The following KATNIP variants were observed in gnomAD, a reference collection of about 807,000 sequenced individuals.
KATNIP encodes the protein katanin-interacting protein.
In KATNIP, 126 loss-of-function variants were observed where a neutral mutation model predicts 174.0. The ratio of observed to expected loss-of-function variants is 0.72; its 90% CI spans 0.63 to 0.84. KATNIP has a LOEUF of 0.84. Among genes scored for constraint, KATNIP ranks in the 40% least tolerant of loss-of-function variants. The pLI is 0.00. For synonymous variants in KATNIP, 810 were observed against 835.7 expected (o/e 0.97, Z 0.53); for missense variants, 1,958 against 2,109.7 (o/e 0.93, Z 1.41).
At chr16:27,593,114 G>A (rs1251928433) in intron 2 of KATNIP, among the ~76,000 whole-genome samples, 4 of 151,896 alleles carry the variant, frequency 2.6e-5, no homozygotes, top group South Asian at 2.1e-4. Context: ...GGTACAAATC[G>A]ACTTTCTTTC....
At chr16:27,665,287 T>C (rs577798283) in intron 6 of KATNIP, among the ~76,000 whole-genome samples, 3 of 151,938 alleles carry the variant, frequency 2.0e-5, no homozygotes, top group Non-Finnish European at 2.9e-5. Flanking sequence ...GTATTTTTAG[T>C]AGAGATGGGG....
At chr16:27,650,644 A>G (rs1212057406) in intron 6 of KATNIP, among the ~76,000 whole-genome samples, 1 of 152,186 alleles carries the variant, frequency 6.6e-6, no homozygotes, top group Non-Finnish European at 1.5e-5. Context: ...CTGTCCAGGA[A>G]ATGTTCCTCC....
At chr16:27,723,380 C>G (rs953924647) in intron 14 of KATNIP, among the ~76,000 whole-genome samples, 5 of 151,904 alleles carry the variant, frequency 3.3e-5, no homozygotes, top group Admixed American at 6.6e-5. Context: ...CCCTGTCCCC[C>G]CTCCACCCCC....
intron 1 of KATNIP, among the ~76,000 whole-genome samples, chr16:27,559,501 G>A (rs1308914931): frequency 2.0e-5 from 3 of 151,774 alleles, no homozygotes; most frequent in Non-Finnish European, 4.4e-5. Context: ...GGGCAACACG[G>A]TGAGACCCCA....
intron 20 of KATNIP, among the ~76,000 whole-genome samples, chr16:27,768,635 C>T (rs1324318352): frequency 1.3e-5 from 2 of 152,140 alleles, no homozygotes; most frequent in African/African-American, 4.8e-5. Context: ...GCTCAGGGGG[C>T]CCAGGTAGGA....
chr16:27,629,067 C>T (rs1464397487), intron 4 of KATNIP, among the ~76,000 whole-genome samples: 5 of 151,734 alleles, frequency 3.3e-5, no homozygotes, highest in African/African-American at 1.2e-4. Context: ...ACTGAGGAGG[C>T]CGAGGCACAA....
At chr16:27,709,637 T>G (rs906227338) in intron 13 of KATNIP, among the ~76,000 whole-genome samples, 1 of 152,058 alleles carries the variant, frequency 6.6e-6, no homozygotes, top group Non-Finnish European at 1.5e-5. Flanking sequence ...AGACTCTGTC[T>G]CAAAAAAAAT....
At chr16:27,699,975 A>G (rs948330760) in intron 10 of KATNIP, among the ~76,000 whole-genome samples, 7 of 152,036 alleles carry the variant, frequency 4.6e-5, no homozygotes, top group South Asian at 2.1e-4. Context: ...CAATGGTGCA[A>G]TCTCGGCTCA....
chr16:27,683,313 A>G (rs1349590872), intron 8 of KATNIP, among the ~76,000 whole-genome samples: 2 of 152,204 alleles, frequency 1.3e-5, no homozygotes, highest in Non-Finnish European at 2.9e-5. Context: ...TCAAAGTACC[A>G]CAATCAGAGT....
chr16:27,751,741 G>T lies in KATNIP; in HGVS notation c.3369G>T (p.Thr1123=), dbSNP rs376446262. ...TAGCCCCAGAGCACTTTGGAGACAC[G>T]ATCTTATTCACAACCGATGATGACA... ...LAGAPEHFGD[T]ILFTTDDDIL... The change falls in exon 17 of 28, where the codon ACG becomes ACT. Residue 1123 remains threonine (T), a synonymous_variant. Coordinates refer to ENST00000261588, the MANE Select transcript of KATNIP (RefSeq NM_015202.5). 2 of 1,614,176 alleles carry T rather than the reference G, an allele frequency of 1.2e-6. No homozygotes were observed. The highest frequency in any genetic ancestry group is 2.2e-5 in the South Asian group (2 of 91,064).
chr16:27,770,280 A>G (rs2082254945), intron 21 of KATNIP, among the ~76,000 whole-genome samples: 1 of 152,180 alleles, frequency 6.6e-6, no homozygotes, highest in Non-Finnish European at 1.5e-5. Context: ...TGCTGAGAAA[A>G]GAGGCTACAG....
At position 27,643,700 on chromosome 16, in the gene KATNIP, C is replaced by T. The variant is rs985573572; in HGVS notation, c.409-4904C>T. ...TAGTGTGAAAGCGTTGATGGGTGAG[C>T]GGGGCATTGTGAACTTGGATCAGAA... On this transcript the variant is annotated intron_variant, in intron 5 of 27. Coordinates refer to ENST00000261588, the MANE Select transcript of KATNIP (RefSeq NM_015202.5). 4.0e-5 allele frequency among the ~76,000 whole-genome samples: 6 copies of T among 149,142 alleles called. No homozygotes were observed. In the South Asian group the frequency reaches 8.6e-4, roughly 21 times the overall value.
rs201598615 is a variant in KATNIP, at chr16:27,708,953, C to T, written c.1605+33C>T. The T allele has an allele frequency of 6.6e-6, 10 of 1,507,698 alleles. No individual in the cohort carries two copies. The African/African-American group carries it at 9.6e-5, about 14-fold the overall frequency. The allele number at this position is 1,507,698 out of a possible 1,614,324, so 93.4% of individuals were successfully genotyped here. The stretch of plus-strand genomic sequence containing the variant: ...GAAGGGGCACTGGATTGCTTCTTGG[C>T]TGTGTATTCCCATGCATTTTCTCTG... On this transcript the variant is annotated intron_variant, in intron 13 of 27. Coordinates refer to ENST00000261588, the MANE Select transcript of KATNIP (RefSeq NM_015202.5).
chr16:27,741,166 G>C (rs905854543), intron 15 of KATNIP, among the ~76,000 whole-genome samples: 2 of 152,180 alleles, frequency 1.3e-5, no homozygotes, highest in African/African-American at 4.8e-5. Context: ...ATGTCCCTTT[G>C]CCCATTTTTC....
intron 2 of KATNIP, among the ~76,000 whole-genome samples, chr16:27,612,127 T>A (rs2075909070): frequency 6.6e-6 from 1 of 152,190 alleles, no homozygotes; most frequent in South Asian, 2.1e-4. Flanking sequence ...AATGCACTTA[T>A]AACTAATGTT....
At chr16:27,552,819 C>A (rs1400955695) in intron 1 of KATNIP, among the ~76,000 whole-genome samples, 1 of 152,006 alleles carries the variant, frequency 6.6e-6, no homozygotes, top group African/African-American at 2.4e-5. Flanking sequence ...CTCAGCCTCC[C>A]AAGTAGCTGG....
chr16:27,630,442 G>A (rs563391244), intron 4 of KATNIP, among the ~76,000 whole-genome samples: 2 of 152,342 alleles, frequency 1.3e-5, no homozygotes, highest in South Asian at 4.1e-4. Context: ...AGGGCAAGAA[G>A]AGAAAATGAT....
At chr16:27,572,311 T>G (rs1431875412) in intron 1 of KATNIP, among the ~76,000 whole-genome samples, 2 of 151,030 alleles carry the variant, frequency 1.3e-5, no homozygotes, top group Non-Finnish European at 2.9e-5. Flanking sequence ...ATTATGCTGG[T>G]CTCTTTTTCA....
chr16:27,635,804 GC>G (rs977542210), intron 5 of KATNIP, among the ~76,000 whole-genome samples: 11 of 152,178 alleles, frequency 7.2e-5, no homozygotes, highest in African/African-American at 2.6e-4. Flanking sequence ...GGCTCATACA[GC>G]TTTTAAAAGA....
Sources: gnomAD v4.1 joint callset for allele counts (sites outside exome capture counted in the v4.1 genomes callset) on GRCh38, gnomAD v4.1.1 for gene constraint, MANE v1.5 for transcripts, NCBI Gene and HGNC (gene_info 2026-07-23, HGNC 2026-07-21) for gene names.